Variants in STX17 observed in about 807,000 individuals in gnomAD.
STX17 encodes syntaxin-17.
STX17 carries 29 observed loss-of-function variants against 35.9 expected under a neutral mutation model. That is an observed-to-expected ratio of 0.81 (90% CI 0.60 to 1.10). The LOEUF (loss-of-function observed/expected upper bound fraction) is 1.10. Ranked by LOEUF, STX17 falls within the 50% of genes least tolerant of loss-of-function variation. The probability of loss-of-function intolerance (pLI) is 0.00; values close to 1 mark genes in which losing one functional copy is unlikely to be tolerated. For missense variants in STX17, 312 were observed against 352.3 expected (o/e 0.89, Z 0.92); for synonymous variants, 92 against 118.3 (o/e 0.78, Z 1.44).
At chr9:99,935,006 G>A (rs1174036051) in intron 3 of STX17, among the ~76,000 whole-genome samples, 1 of 151,970 alleles carries the variant, frequency 6.6e-6, no homozygotes, top group Non-Finnish European at 1.5e-5. Flanking sequence ...TAAAACCAAA[G>A]AGAACAAAAG....
chr9:99,954,678 A>G (rs768318423), intron 4 of STX17, among the ~76,000 whole-genome samples: 5 of 152,088 alleles, frequency 3.3e-5, no homozygotes, highest in Admixed American at 6.6e-5. Flanking sequence ...GTTTTATTGC[A>G]TAGAAGTTAA....
chr9:99,946,354 G>C (rs1829482707), intron 3 of STX17, among the ~76,000 whole-genome samples: 1 of 152,034 alleles, frequency 6.6e-6, no homozygotes, highest in African/African-American at 2.4e-5. Flanking sequence ...TGGATACCAA[G>C]GAATAAATGT....
At chr9:99,916,311 A>G (rs1238544324) in intron 2 of STX17, 2 of 170,686 alleles carry the variant, frequency 1.2e-5, no homozygotes, top group East Asian at 3.5e-4. Context: ...ATGTTGTCTT[A>G]TTTGCTGTGG....
At chr9:99,963,859 T>C (rs559929125) in intron 6 of STX17, among the ~76,000 whole-genome samples, 1 of 152,246 alleles carries the variant, frequency 6.6e-6, no homozygotes, top group Admixed American at 6.5e-5. Context: ...GGCCTTTTTG[T>C]GTATATGATT....
intron 3 of STX17, among the ~76,000 whole-genome samples, chr9:99,933,738 C>G (rs1276139038): frequency 6.6e-6 from 1 of 152,088 alleles, no homozygotes; most frequent in Admixed American, 6.5e-5. Context: ...TGAATCTGGG[C>G]AGAAGTAAAG....
chr9:99,937,279 A>T (rs190186318), intron 3 of STX17, among the ~76,000 whole-genome samples: 1 of 151,910 alleles, frequency 6.6e-6, no homozygotes, highest in Admixed American at 6.6e-5. Context: ...AGCTTCTTGG[A>T]CCTCTGGACT....
chr9:99,915,496 T>C, intron 2 of STX17, 134 bp downstream of exon 2: 2 of 1,114,878 alleles, frequency 1.8e-6, no homozygotes, highest in East Asian at 2.8e-5. Context: ...TTTAGCAACA[T>C]TATGCATTTT....
intron 2 of STX17, among the ~76,000 whole-genome samples, chr9:99,918,181 G>C (rs989220144): frequency 4.6e-5 from 7 of 152,198 alleles, no homozygotes; most frequent in Non-Finnish European, 7.3e-5. Context: ...CCAGGCTGGA[G>C]TGCAGTGGTG....
intron 3 of STX17, among the ~76,000 whole-genome samples, chr9:99,944,771 C>T (rs539732250): frequency 7.0e-4 from 107 of 152,280 alleles, no homozygotes; most frequent in Non-Finnish European, 1.3e-3. Context: ...CCTCCTCAGC[C>T]TCCCAAAGTG....
In STX17 at chr9:99,971,200, A is replaced by G. The variant is rs1392537161; in HGVS notation, c.*2527A>G. Among the ~76,000 whole-genome samples, 3 of 152,130 alleles carry G rather than the reference A, an allele frequency of 2.0e-5. No individual in the cohort carries two copies. Among genetic ancestry groups the G allele is most frequent in the African/African-American group, 7.2e-5 (3 of 41,438 alleles). On this transcript the variant is annotated 3_prime_UTR_variant, in exon 8 of 8. Coordinates refer to ENST00000259400, the MANE Select transcript of STX17 (RefSeq NM_017919.3). ...AATATTTTCTCCATGTCTTATTTTT[A>G]CTGCAACAAGTTAGAAAGTGGGAAC...
chr9:99,927,660 A>G lies in STX17; in HGVS notation c.124-1118A>G, dbSNP rs554655781. On this transcript the variant is annotated intron_variant, in intron 2 of 7. Transcript: ENST00000259400. ...CAGATAATTTTTTTGTACTTTTAGT[A>G]GAGACGGGGTTTCACCATGTTGGCC... 9.2e-5 allele frequency among the ~76,000 whole-genome samples: 14 copies of G among 152,206 alleles called. No individual in the cohort carries two copies. In the South Asian group the frequency reaches 2.9e-3, roughly 32 times the overall value.
At chr9:99,920,579 A>T (rs573377049) in intron 2 of STX17, among the ~76,000 whole-genome samples, 1 of 152,330 alleles carries the variant, frequency 6.6e-6, no homozygotes, top group African/African-American at 2.4e-5. Flanking sequence ...TGTTGTTTGC[A>T]ACCCAAAGCA....
chr9:99,951,217 T>C lies in STX17; in HGVS notation c.347T>C (p.Leu116Pro), dbSNP rs768879701. ...LQLHLESVEELKKQFNDEETL... is the reference protein window; with the variant it reads ...LQLHLESVEEPKKQFNDEETL... The stretch of plus-strand genomic sequence containing the variant: ...CTCCATTTGGAATCTGTAGAAGAAC[T>C]TAAGAAGCAATTTAATGATGAAGAA... The change falls in exon 4 of 8, where the codon CTT becomes CCT. Residue 116 changes from leucine (L) to proline (P), a missense_variant. Transcript: ENST00000259400. The C allele has an allele frequency of 6.2e-7, 1 of 1,613,078 alleles. No individual in the cohort carries two copies. Among genetic ancestry groups the C allele is most frequent in the South Asian group, 1.1e-5 (1 of 91,054 alleles).
At chr9:99,936,682 T>C (rs1829242757) in intron 3 of STX17, among the ~76,000 whole-genome samples, 1 of 152,194 alleles carries the variant, frequency 6.6e-6, no homozygotes, top group Non-Finnish European at 1.5e-5. Flanking sequence ...ATTTCACATA[T>C]GTTTAAGAAA....
chr9:99,945,694 AT>A, intron 3 of STX17: 1 of 373,090 alleles, frequency 2.7e-6, no homozygotes, highest in Non-Finnish European at 5.2e-6. Flanking sequence ...GTTTTTTTTA[AT>A]TTATCTAATT....
intron 4 of STX17, among the ~76,000 whole-genome samples, chr9:99,956,463 A>G (rs942063028): frequency 6.6e-6 from 1 of 152,150 alleles, no homozygotes; most frequent in African/African-American, 2.4e-5. Context: ...ATTCATCATA[A>G]TGTGAAAGAA....
At chr9:99,946,226 G>A (rs1262641833) in intron 3 of STX17, among the ~76,000 whole-genome samples, 2 of 151,962 alleles carry the variant, frequency 1.3e-5, no homozygotes, top group African/African-American at 4.8e-5. Context: ...GTAATCTAGC[G>A]ATAAAGTATA....
At chr9:99,963,693 T>G (rs1222798694) in intron 6 of STX17, among the ~76,000 whole-genome samples, 1 of 152,184 alleles carries the variant, frequency 6.6e-6, no homozygotes, top group African/African-American at 2.4e-5. Flanking sequence ...ACTATTATCC[T>G]TAGGCATTTT....
At chr9:99,908,256 G>GT (rs915947072) in intron 1 of STX17, among the ~76,000 whole-genome samples, 5 of 151,644 alleles carry the variant, frequency 3.3e-5, no homozygotes, top group Admixed American at 6.6e-5. Context: ...TGACATCTTG[G>GT]GGGGGAGCTT....
Sources: gnomAD v4.1 joint callset for allele counts (sites outside exome capture counted in the v4.1 genomes callset) on GRCh38, gnomAD v4.1.1 for gene constraint, MANE v1.5 for transcripts, NCBI Gene and HGNC (gene_info 2026-07-23, HGNC 2026-07-21) for gene names.